PDZRN4: variants seen among roughly 807,000 people sequenced by gnomAD.
The protein encoded by PDZRN4 is PDZ domain-containing RING finger protein 4.
Under a neutral mutation model 99.0 loss-of-function variants are expected in PDZRN4, and 70 were observed. The ratio of observed to expected loss-of-function variants is 0.71; its 90% CI spans 0.58 to 0.86. The LOEUF is 0.86. Among genes scored for constraint, PDZRN4 ranks in the 40% least tolerant of loss-of-function variants. The pLI is 0.00. For synonymous variants in PDZRN4, 551 were observed against 501.6 expected (o/e 1.10, Z -1.32); for missense variants, 1,474 against 1,331.2 (o/e 1.11, Z -1.67).
At chr12:41,410,915 C>T (rs1426076992) in intron 3 of PDZRN4, among the ~76,000 whole-genome samples, 1 of 152,056 alleles carries the variant, frequency 6.6e-6, no homozygotes, top group Non-Finnish European at 1.5e-5. Context: ...TACTGTGTCA[C>T]TCAGGCTGGA....
chr12:41,514,595 A>G (rs1358475052), intron 5 of PDZRN4, among the ~76,000 whole-genome samples: 1 of 152,062 alleles, frequency 6.6e-6, no homozygotes, highest in Non-Finnish European at 1.5e-5. Flanking sequence ...CTTGCTTATC[A>G]TTGTATCACA....
At chr12:41,407,582 T>C (rs1002788008) in intron 3 of PDZRN4, among the ~76,000 whole-genome samples, 8 of 152,192 alleles carry the variant, frequency 5.3e-5, no homozygotes, top group Non-Finnish European at 7.3e-5. Flanking sequence ...CATTTGCGTC[T>C]ATTTGTTGTG....
chr12:41,367,149 C>T (rs1952006768), intron 3 of PDZRN4, among the ~76,000 whole-genome samples: 1 of 152,098 alleles, frequency 6.6e-6, no homozygotes, highest in African/African-American at 2.4e-5. Flanking sequence ...CCTGTACTTA[C>T]AAGGCCTGAA....
intron 8 of PDZRN4, among the ~76,000 whole-genome samples, chr12:41,565,829 ACCTTTGAGACAGTGTAGGTTGTT>A (rs1384262309): frequency 4.6e-5 from 7 of 152,128 alleles, no homozygotes; most frequent in Non-Finnish European, 1.0e-4. Flanking sequence ...TGTAGCCACT[ACCTTTGAGACAGTGTAGGTTGTT>A]CCTTTTTCTG....
chr12:41,226,158 A>T (rs142225291), intron 3 of PDZRN4, among the ~76,000 whole-genome samples: 253 of 152,180 alleles, frequency 1.7e-3, no homozygotes, highest in African/African-American at 5.8e-3. Flanking sequence ...TATGTGTTAC[A>T]AAATAAAGAC....
chr12:41,241,329 A>G (rs1951100651), intron 3 of PDZRN4, among the ~76,000 whole-genome samples: 1 of 151,178 alleles, frequency 6.6e-6, no homozygotes, highest in Non-Finnish European at 1.5e-5. Context: ...GCTATGATAT[A>G]CTGTGTTTGG....
chr12:41,337,189 G>A (rs889292084), intron 3 of PDZRN4, among the ~76,000 whole-genome samples: 4 of 152,094 alleles, frequency 2.6e-5, no homozygotes, highest in Non-Finnish European at 5.9e-5. Context: ...AAAGTTAGAA[G>A]CAAGATGGAG....
chr12:41,305,778 T>C (rs2120939032), intron 3 of PDZRN4, among the ~76,000 whole-genome samples: 1 of 152,316 alleles, frequency 6.6e-6, no homozygotes, highest in East Asian at 1.9e-4. Flanking sequence ...ACAAAATTTG[T>C]GTCCTTCTCA....
intron 3 of PDZRN4, among the ~76,000 whole-genome samples, chr12:41,413,326 C>T (rs546150682): frequency 2.0e-4 from 31 of 151,982 alleles, no homozygotes; most frequent in South Asian, 6.2e-4. Context: ...TATTTTCATG[C>T]AATTAAAAAG....
chr12:41,218,883 A>C (rs1226631156), intron 3 of PDZRN4, among the ~76,000 whole-genome samples: 2 of 151,996 alleles, frequency 1.3e-5, no homozygotes, highest in African/African-American at 4.8e-5. Flanking sequence ...ATTTTTACAC[A>C]TAAGTCTCTA....
intron 3 of PDZRN4, among the ~76,000 whole-genome samples, chr12:41,408,593 T>C (rs1189747369): frequency 1.3e-5 from 2 of 152,334 alleles, no homozygotes; most frequent in East Asian, 1.9e-4. Flanking sequence ...AAAGATTATA[T>C]GGCTTCTCTT....
chr12:41,505,927 T>C (rs2120672510), intron 3 of PDZRN4, among the ~76,000 whole-genome samples: 1 of 152,234 alleles, frequency 6.6e-6, no homozygotes, highest in African/African-American at 2.4e-5. Context: ...ATGCTGCTAG[T>C]TCACAGACCA....
At chr12:41,475,575 G>T (rs1385404333) in intron 3 of PDZRN4, among the ~76,000 whole-genome samples, 1 of 152,098 alleles carries the variant, frequency 6.6e-6, no homozygotes, top group Non-Finnish European at 1.5e-5. Flanking sequence ...GAACATTCAC[G>T]TACTCAAAGT....
intron 3 of PDZRN4, among the ~76,000 whole-genome samples, chr12:41,229,930 G>A (rs1471833145): frequency 6.6e-6 from 1 of 152,002 alleles, no homozygotes; most frequent in Non-Finnish European, 1.5e-5. Context: ...CATAAAGTTG[G>A]TGGACTTAGT....
chr12:41,552,881 A>C lies in PDZRN4; in HGVS notation c.1302+127A>C, dbSNP rs1939083582. 3 of 641,400 alleles carry C rather than the reference A, an allele frequency of 4.7e-6. No individual in the cohort carries two copies. The South Asian group carries it at 5.8e-5, about 12-fold the overall frequency. 39.7% of individuals were successfully genotyped at this position (641,400 alleles called of 1,614,324 possible). ...AAGAATTGGAGTTGGCCATGTTCCAAAACGTGTCACCTTCAATTAGGAAAG... is the reference window on the plus strand; with the variant it reads ...AAGAATTGGAGTTGGCCATGTTCCACAACGTGTCACCTTCAATTAGGAAAG... On this transcript the variant is annotated intron_variant, in intron 6 of 9. Coordinates refer to ENST00000402685, the MANE Select transcript of PDZRN4 (RefSeq NM_001164595.2).
At position 41,563,619 on chromosome 12, in the gene PDZRN4, C is replaced by A. The variant is rs763952366; in HGVS notation, c.1437C>A (p.Ile479=). 4.3e-6 allele frequency: 7 copies of A among 1,613,018 alleles called. No individual in the cohort carries two copies. Among genetic ancestry groups the A allele is most frequent in the African/African-American group, 1.3e-5 (1 of 74,862 alleles). ...TGTCTAACGATGAGTGTAAGAGAAT[C>A]GTGCTGCTTGTTGCAAGGCCAGAGA... The part of the protein sequence containing the change: ...ALLSNDECKR[I]VLLVARPEIQ... Residue 479 remains isoleucine (I), a synonymous_variant, in exon 8 of 10, where the codon ATC becomes ATA. Transcript: ENST00000402685.
intron 3 of PDZRN4, among the ~76,000 whole-genome samples, chr12:41,428,822 A>G (rs1952561978): frequency 6.6e-6 from 1 of 152,136 alleles, no homozygotes; most frequent in Admixed American, 6.6e-5. Context: ...CTGAGAGAAG[A>G]TGATATCCTG....
intron 3 of PDZRN4, among the ~76,000 whole-genome samples, chr12:41,473,054 G>T (rs1342318556): frequency 6.6e-6 from 1 of 152,012 alleles, no homozygotes; most frequent in East Asian, 1.9e-4. Flanking sequence ...AAGAAGTTGG[G>T]AGTCACTTTA....
intron 3 of PDZRN4, among the ~76,000 whole-genome samples, chr12:41,362,565 CTAA>C (rs1951971540): frequency 6.6e-6 from 1 of 151,932 alleles, no homozygotes; most frequent in African/African-American, 2.4e-5. Context: ...ACAGAGTAGC[CTAA>C]TGATCCTGCA....
Sources: allele counts gnomAD v4.1 joint callset (sites outside exome capture counted in the v4.1 genomes callset), GRCh38; gene constraint gnomAD v4.1.1; transcripts MANE v1.5; gene names NCBI Gene and HGNC (gene_info 2026-07-23, HGNC 2026-07-21).